Variants in NKAIN3 observed in about 807,000 individuals in gnomAD.
The protein encoded by NKAIN3 is sodium/potassium transporting ATPase interacting 3.
A neutral mutation model predicts 30.2 loss-of-function variants in NKAIN3; 25 were observed. The observed-to-expected ratio is 0.83, with a 90% CI of 0.60 to 1.16. The LOEUF is 1.16. Among genes scored for constraint, NKAIN3 ranks in the 50% most tolerant of loss-of-function variants. The probability of loss-of-function intolerance (pLI) is 0.00; values close to 1 mark genes in which losing one functional copy is unlikely to be tolerated. For missense variants in NKAIN3, 225 were observed against 254.1 expected, an observed-to-expected ratio of 0.89 and a Z score of 0.78; for synonymous variants, 91 against 89.6, an observed-to-expected ratio of 1.02 and a Z score of -0.09.
At chr8:62,595,382 C>CTTTTTTT (rs1181598520) in intron 3 of NKAIN3, among the ~76,000 whole-genome samples, 24 of 109,910 alleles carry the variant, frequency 2.2e-4, no homozygotes, top group East Asian at 8.2e-4. Flanking sequence ...GGGCTATTTT[C>CTTTTTTT]TTTTTTTTTT....
At chr8:62,810,819 C>A (rs1313115744) in intron 4 of NKAIN3, among the ~76,000 whole-genome samples, 1 of 151,918 alleles carries the variant, frequency 6.6e-6, no homozygotes, top group African/African-American at 2.4e-5. Flanking sequence ...TCTTCCTAAT[C>A]TTTAAATTAA....
intron 3 of NKAIN3, among the ~76,000 whole-genome samples, chr8:62,661,116 G>C (rs1327039905): frequency 6.6e-6 from 1 of 152,200 alleles, no homozygotes; most frequent in Non-Finnish European, 1.5e-5. Context: ...ACATTATTCA[G>C]TTTTTTGAAA....
At position 62,388,710 on chromosome 8, in the gene NKAIN3, C is replaced by T. The variant is rs113652547; in HGVS notation, c.54+139583C>T. Among the ~76,000 whole-genome samples, 682 of 152,326 alleles carry T rather than the reference C, an allele frequency of 4.5e-3. 3 individuals are homozygous for T. The highest frequency in any genetic ancestry group is 0.015 in the African/African-American group (634 of 41,564). On this transcript the variant is annotated intron_variant, in intron 1 of 6. Transcript: ENST00000623646. ...AAATTAAGACATCAGACTGAGATTA[C>T]ATACCTTTCTAATTACTATGTCTTC... is the stretch of plus-strand genomic sequence containing the variant.
intron 1 of NKAIN3, among the ~76,000 whole-genome samples, chr8:62,276,870 A>G (rs1011189786): frequency 2.0e-5 from 3 of 152,056 alleles, no homozygotes; most frequent in Admixed American, 2.0e-4. Context: ...TACAACTGTG[A>G]TTTCTCTGCT....
intron 1 of NKAIN3, among the ~76,000 whole-genome samples, chr8:62,346,387 C>T (rs1308193352): frequency 6.6e-6 from 1 of 151,908 alleles, no homozygotes; most frequent in East Asian, 1.9e-4. Context: ...TTTTAAAAAT[C>T]CAGGAAATTT....
chr8:62,863,933 G>C, intron 4 of NKAIN3: 2 of 1,096,088 alleles, frequency 1.8e-6, no homozygotes, highest in South Asian at 1.2e-5. Flanking sequence ...GGTGGTGTGG[G>C]GTCTGCCAAA....
chr8:62,539,228 T>A (rs541103560), intron 1 of NKAIN3, among the ~76,000 whole-genome samples: 1 of 152,320 alleles, frequency 6.6e-6, no homozygotes, highest in Admixed American at 6.5e-5. Flanking sequence ...TTTACAAATG[T>A]GACACCAGGA....
chr8:62,729,041 A>C (rs1163293187), intron 3 of NKAIN3, among the ~76,000 whole-genome samples: 2 of 73,252 alleles, frequency 2.7e-5, no homozygotes, highest in African/African-American at 4.3e-5. Flanking sequence ...AAAAAAAAAC[A>C]AAAAAAAAAA....
intron 1 of NKAIN3, among the ~76,000 whole-genome samples, chr8:62,378,284 G>C (rs1416806989): frequency 6.6e-6 from 1 of 152,178 alleles, no homozygotes; most frequent in Non-Finnish European, 1.5e-5. Context: ...AAGCAGTAAA[G>C]CATTCAAGAG....
rs145998336 is a variant in NKAIN3 at position 62,978,150 on chromosome 8, G to A, written c.*12743G>A. 0.015 allele frequency: 2,336 copies of A among 154,402 alleles called. 68 individuals carry two copies. The highest frequency in any genetic ancestry group is 0.052 in the African/African-American group (2,162 of 41,608). The allele number at this position is 154,402 out of a possible 1,614,324, so 9.6% of individuals were successfully genotyped here. The stretch of plus-strand genomic sequence containing the variant: ...AGCTCTCCTGTATGAAGTGTCTGTC[G>A]ACCCCTGTTGGGAGATGTCTCCCCA... On this transcript the variant is annotated 3_prime_UTR_variant, in exon 7 of 7. Coordinates refer to ENST00000623646, the MANE Select transcript of NKAIN3 (RefSeq NM_001304533.3).
intron 4 of NKAIN3, among the ~76,000 whole-genome samples, chr8:62,879,721 C>T (rs1216632992): frequency 6.6e-6 from 1 of 152,140 alleles, no homozygotes; most frequent in Non-Finnish European, 1.5e-5. Flanking sequence ...GACTGTTCCC[C>T]AGGAAGGTCA....
At chr8:62,542,075 T>A (rs1246586876) in intron 1 of NKAIN3, among the ~76,000 whole-genome samples, 1 of 152,168 alleles carries the variant, frequency 6.6e-6, no homozygotes, top group Non-Finnish European at 1.5e-5. Context: ...TCTCCTGGTC[T>A]GGTCAAATCC....
intron 1 of NKAIN3, among the ~76,000 whole-genome samples, chr8:62,549,905 G>C (rs1221251888): frequency 1.3e-5 from 2 of 148,916 alleles, no homozygotes; most frequent in Admixed American, 1.4e-4. Context: ...GAAAAACTGA[G>C]TCTCCCTTTG....
chr8:62,598,169 G>A (rs1293169273), intron 3 of NKAIN3, among the ~76,000 whole-genome samples: 1 of 152,082 alleles, frequency 6.6e-6, no homozygotes, highest in Non-Finnish European at 1.5e-5. Context: ...CGGAGAGTGA[G>A]TAAGGCAGAG....
intron 1 of NKAIN3, among the ~76,000 whole-genome samples, chr8:62,422,167 G>A (rs751959301): frequency 5.3e-5 from 8 of 151,956 alleles, no homozygotes; most frequent in Non-Finnish European, 7.4e-5. Context: ...GTAAAGTTAG[G>A]TATTCTGTTT....
intron 4 of NKAIN3, among the ~76,000 whole-genome samples, chr8:62,873,072 T>C (rs150988488): frequency 1.4e-3 from 209 of 152,128 alleles, no homozygotes; most frequent in African/African-American, 4.9e-3. Flanking sequence ...TTAAGACAAA[T>C]CAGTGTATTG....
chr8:62,453,010 T>C (rs951774982), intron 1 of NKAIN3, among the ~76,000 whole-genome samples: 1 of 152,184 alleles, frequency 6.6e-6, no homozygotes. Context: ...TTCTCACAAA[T>C]ACCCACATTG....
chr8:62,368,893 A>G (rs1816823190), intron 1 of NKAIN3, among the ~76,000 whole-genome samples: 1 of 151,410 alleles, frequency 6.6e-6, no homozygotes, highest in African/African-American at 2.4e-5. Flanking sequence ...TGCAATGCCT[A>G]TTCTAGGAAG....
At chr8:62,486,247 T>C (rs561846993) in intron 1 of NKAIN3, among the ~76,000 whole-genome samples, 25 of 152,266 alleles carry the variant, frequency 1.6e-4, no homozygotes, top group Admixed American at 1.4e-3. Flanking sequence ...GTGGACGTTC[T>C]AAGTGAAGAG....
Sources: allele counts gnomAD v4.1 joint callset (sites outside exome capture counted in the v4.1 genomes callset), GRCh38; gene constraint gnomAD v4.1.1; transcripts MANE v1.5; gene names NCBI Gene and HGNC (gene_info 2026-07-23, HGNC 2026-07-21).